The following CDH11 variants were observed in gnomAD, a reference collection of about 807,000 sequenced individuals.
The protein encoded by CDH11 is cadherin-11.
A neutral mutation model predicts 67.8 loss-of-function variants in CDH11; 11 were observed. The ratio of observed to expected loss-of-function variants is 0.16; its 90% CI spans 0.10 to 0.27. CDH11 has a LOEUF of 0.27. Among genes scored for constraint, CDH11 ranks in the 10% least tolerant of loss-of-function variants. The pLI is 1.00. For synonymous variants in CDH11, 419 were observed against 400.0 expected, an observed-to-expected ratio of 1.05 and a Z score of -0.57; for missense variants, 847 against 1,031.2, an observed-to-expected ratio of 0.82 and a Z score of 2.45.
intron 1 of CDH11, among the ~76,000 whole-genome samples, chr16:65,108,710 G>T (rs2075107398): frequency 6.6e-6 from 1 of 152,104 alleles, no homozygotes; most frequent in Non-Finnish European, 1.5e-5. Flanking sequence ...TAAACATGTG[G>T]CTTTAATGAG....
intron 2 of CDH11, among the ~76,000 whole-genome samples, chr16:65,031,287 C>T (rs2073638738): frequency 6.6e-6 from 1 of 152,174 alleles, no homozygotes; most frequent in African/African-American, 2.4e-5. Flanking sequence ...GAGGCAATAG[C>T]AAACAAATGT....
chr16:65,057,481 A>T (rs914175200), intron 1 of CDH11, among the ~76,000 whole-genome samples: 2 of 152,234 alleles, frequency 1.3e-5, no homozygotes, highest in African/African-American at 4.8e-5. Flanking sequence ...AATCAGGAAA[A>T]GGAACACCGT....
rs942526940 is a variant in CDH11, at chr16:64,944,840, T to C, written c.*2763A>G. ...CCTGTTATATCTTTTATGTTCTTCC[T>C]TCAATTTGGAAGGAGAGAAAATATC... On this transcript the variant is annotated 3_prime_UTR_variant, in exon 13 of 13. Transcript: ENST00000268603. The C allele has an allele frequency of 1.3e-5, 3 of 225,374 alleles. No individual in the cohort carries two copies. Among genetic ancestry groups the C allele is most frequent in the Non-Finnish European group, 1.8e-5 (2 of 113,158 alleles). The allele number at this position is 225,374 out of a possible 1,614,324, so 14.0% of individuals were successfully genotyped here.
chr16:64,992,732 T>C (rs1313959732), intron 5 of CDH11, among the ~76,000 whole-genome samples, 183 bp downstream of exon 5: 1 of 152,254 alleles, frequency 6.6e-6, no homozygotes, highest in Non-Finnish European at 1.5e-5. Flanking sequence ...CAATAAATGT[T>C]TCATGGTGTA....
At chr16:64,970,316 C>G (rs897254894) in intron 11 of CDH11, among the ~76,000 whole-genome samples, 1 of 152,144 alleles carries the variant, frequency 6.6e-6, no homozygotes, top group African/African-American at 2.4e-5. Flanking sequence ...CCCTCAAAAT[C>G]CAAGCAGCAT....
intron 1 of CDH11, among the ~76,000 whole-genome samples, chr16:65,057,548 A>G (rs1016113883): frequency 2.0e-5 from 3 of 152,178 alleles, no homozygotes; most frequent in Non-Finnish European, 4.4e-5. Context: ...TACCAAAATC[A>G]AGGAAGACAG....
chr16:64,968,330 T>C (rs1195494671), intron 11 of CDH11: 2 of 635,170 alleles, frequency 3.1e-6, no homozygotes, highest in East Asian at 2.8e-4. Flanking sequence ...GGAGAGATAT[T>C]ATCTCAGTCT....
chr16:65,024,111 C>T (rs2073485272), intron 2 of CDH11, among the ~76,000 whole-genome samples: 1 of 152,142 alleles, frequency 6.6e-6, no homozygotes, highest in Admixed American at 6.5e-5. Flanking sequence ...GTGAATATTG[C>T]CTTTCCTTTG....
In CDH11 at chr16:65,121,750, T is replaced by C. The variant is rs987639173; in HGVS notation, c.-298+130A>G. 219 of 690,734 alleles carry C rather than the reference T, an allele frequency of 3.2e-4. No individual in the cohort carries two copies. The highest frequency in any genetic ancestry group is 4.8e-4 in the Non-Finnish European group (184 of 380,654). The allele number at this position is 690,734 out of a possible 1,614,324, so 42.8% of individuals were successfully genotyped here. ...CTTTTGCTTTGCGTTAGTGAAGCCT[T>C]CTCGACTCAGATACCACCGTCCCCC... On this transcript the variant is annotated intron_variant, in intron 1 of 12. Transcript: ENST00000268603. This position sits in a 1 kb window ranked among gnomAD's most constrained non-coding sequence, Gnocchi z 4.1.
intron 1 of CDH11, among the ~76,000 whole-genome samples, chr16:65,054,388 G>A (rs2074110101): frequency 6.6e-6 from 1 of 152,168 alleles, no homozygotes; most frequent in Admixed American, 6.5e-5. Flanking sequence ...GCTCAAGGAT[G>A]AAGAGTAGCA....
At chr16:65,105,797 T>A (rs1299922408) in intron 1 of CDH11, among the ~76,000 whole-genome samples, 1 of 152,212 alleles carries the variant, frequency 6.6e-6, no homozygotes, top group African/African-American at 2.4e-5. Context: ...TTAATCGAAT[T>A]GTTTCCCATG....
At chr16:65,050,411 T>C (rs745872376) in intron 2 of CDH11, among the ~76,000 whole-genome samples, 1 of 152,192 alleles carries the variant, frequency 6.6e-6, no homozygotes. Flanking sequence ...ATAAACTCCT[T>C]GAGGAAAGAG....
chr16:65,102,406 A>T (rs1248508298), intron 1 of CDH11, among the ~76,000 whole-genome samples: 1 of 152,230 alleles, frequency 6.6e-6, no homozygotes, highest in Non-Finnish European at 1.5e-5. Context: ...CCTAAAAAAA[A>T]GTCACTTACC....
intron 11 of CDH11, among the ~76,000 whole-genome samples, chr16:64,966,412 A>G (rs1220024258): frequency 1.3e-5 from 2 of 148,284 alleles, no homozygotes; most frequent in East Asian, 2.0e-4. Flanking sequence ...AAAAAGCAAG[A>G]TTTGTAAAAT....
intron 1 of CDH11, among the ~76,000 whole-genome samples, chr16:65,092,067 G>C (rs1321260810): frequency 1.3e-5 from 2 of 152,112 alleles, no homozygotes; most frequent in Admixed American, 6.5e-5. Context: ...CACAATGTGA[G>C]ATTGTCCTGT....
intron 1 of CDH11, among the ~76,000 whole-genome samples, chr16:65,071,005 C>A (rs2142766962): frequency 6.6e-6 from 1 of 152,238 alleles, no homozygotes; most frequent in African/African-American, 2.4e-5. Flanking sequence ...GAGGCAGGGA[C>A]CAATCAGAGG....
intron 1 of CDH11, among the ~76,000 whole-genome samples, chr16:65,084,733 T>C (rs997275925): frequency 1.3e-5 from 2 of 152,180 alleles, no homozygotes; most frequent in African/African-American, 4.8e-5. Flanking sequence ...TGTGTTTTTG[T>C]ATAATATCTT....
At chr16:65,015,742 C>T (rs889387595) in intron 2 of CDH11, among the ~76,000 whole-genome samples, 1 of 152,130 alleles carries the variant, frequency 6.6e-6, no homozygotes, top group African/African-American at 2.4e-5. Context: ...ATCTAATGTC[C>T]TGCAGAGAAC....
intron 11 of CDH11, among the ~76,000 whole-genome samples, chr16:64,970,371 T>G (rs1409367531): frequency 6.6e-6 from 1 of 152,166 alleles, no homozygotes; most frequent in African/African-American, 2.4e-5. Context: ...AAGGATTCAG[T>G]GGTTAAGGCT....
Sources: allele counts gnomAD v4.1 joint callset (sites outside exome capture counted in the v4.1 genomes callset), GRCh38; gene constraint gnomAD v4.1.1; non-coding constraint Gnocchi (gnomAD v3.1); transcripts MANE v1.5; gene names NCBI Gene and HGNC (gene_info 2026-07-23, HGNC 2026-07-21).